Variants in GOLIM4 observed in about 807,000 individuals in gnomAD.
GOLIM4 encodes golgi integral membrane protein 4.
In GOLIM4, 71 loss-of-function variants were observed where a neutral mutation model predicts 107.4. The ratio of observed to expected loss-of-function variants is 0.66; its 90% CI spans 0.55 to 0.81. GOLIM4 has a LOEUF of 0.81. Among genes scored for constraint, GOLIM4 ranks in the 30% least tolerant of loss-of-function variants. The pLI is 0.00. For missense variants in GOLIM4, 830 were observed against 826.1 expected, an observed-to-expected ratio of 1.00 and a Z score of -0.06; for synonymous variants, 327 against 294.8, an observed-to-expected ratio of 1.11 and a Z score of -1.12.
intron 14 of GOLIM4, among the ~76,000 whole-genome samples, chr3:168,014,298 G>T (rs1394116282): frequency 6.7e-6 from 1 of 150,180 alleles, no homozygotes; most frequent in African/African-American, 2.5e-5. Context: ...AGAAGAAATG[G>T]ATAAATTCCT....
intron 14 of GOLIM4, among the ~76,000 whole-genome samples, chr3:168,014,685 T>A (rs1364970982): frequency 7.1e-6 from 1 of 140,262 alleles, no homozygotes; most frequent in Non-Finnish European, 1.5e-5. Flanking sequence ...AAAAAGCTTA[T>A]CCACCATGAT....
chr3:168,023,606 T>G (rs946159514), intron 14 of GOLIM4, among the ~76,000 whole-genome samples: 2 of 152,146 alleles, frequency 1.3e-5, no homozygotes, highest in African/African-American at 4.8e-5. Context: ...ATGTCCATCC[T>G]CCCATGGGGT....
intron 1 of GOLIM4, among the ~76,000 whole-genome samples, chr3:168,054,498 A>G (rs1396720926): frequency 6.6e-6 from 1 of 152,212 alleles, no homozygotes; most frequent in Non-Finnish European, 1.5e-5. Flanking sequence ...GTTCACACCC[A>G]GAACATCCTG....
chr3:168,030,687 T>C (rs1300536411), intron 9 of GOLIM4, among the ~76,000 whole-genome samples: 2 of 152,176 alleles, frequency 1.3e-5, no homozygotes, highest in East Asian at 3.8e-4. Context: ...CCAGTTATAA[T>C]GGCTTTTATC....
Position 168,095,022 on chromosome 3 carries a change from C to T in GOLIM4, c.187+77G>A, listed in dbSNP as rs149382718. ...TGGCAACCACAGTGCCAATAGCTCA[C>T]CAAAGCCACTTTTCCTGCCCGGGTG... On this transcript the variant is annotated intron_variant, in intron 1 of 15. Transcript: ENST00000470487. 2.4e-3 allele frequency: 2,902 copies of T among 1,199,852 alleles called. 50 individuals are homozygous for T. In the African/African-American group the frequency reaches 0.038, roughly 16 times the overall value. The allele number at this position is 1,199,852 out of a possible 1,614,324, so 74.3% of individuals were successfully genotyped here.
chr3:168,069,939 C>G (rs1390419830), intron 1 of GOLIM4, among the ~76,000 whole-genome samples: 1 of 152,136 alleles, frequency 6.6e-6, no homozygotes, highest in African/African-American at 2.4e-5. Context: ...AAAGATGGTG[C>G]TACTAATTCA....
In GOLIM4 at chr3:168,063,812, A is replaced by G. The variant is rs532119166; in HGVS notation, c.188-15447T>C. 1.4e-3 allele frequency among the ~76,000 whole-genome samples: 211 copies of G among 152,056 alleles called. 1 individual carries two copies. Among genetic ancestry groups the G allele is most frequent in the African/African-American group, 5.0e-3 (209 of 41,450 alleles). On this transcript the variant is annotated intron_variant, in intron 1 of 15. Coordinates refer to ENST00000470487, the MANE Select transcript of GOLIM4 (RefSeq NM_014498.5). Reference sequence around the variant, plus strand: ...GATGAGTTGATCTGTGCAGCAAACCACCATGGCACACGTTTACCCATGTAA... The same window carrying G: ...GATGAGTTGATCTGTGCAGCAAACCGCCATGGCACACGTTTACCCATGTAA...
intron 1 of GOLIM4, among the ~76,000 whole-genome samples, chr3:168,055,660 G>C (rs1449186657): frequency 6.6e-6 from 1 of 152,016 alleles, no homozygotes; most frequent in Non-Finnish European, 1.5e-5. Context: ...ACATTAGCTG[G>C]GCGTGATGGC....
chr3:168,029,364 A>C, intron 10 of GOLIM4, 62 bp from the exon 11 acceptor site: 2 of 1,018,368 alleles, frequency 2.0e-6, no homozygotes, highest in Non-Finnish European at 3.0e-6. Context: ...AGTTTGACAT[A>C]GGTCATTTAT....
At chr3:168,042,374 G>A (rs533182762) in intron 5 of GOLIM4, among the ~76,000 whole-genome samples, 3 of 152,212 alleles carry the variant, frequency 2.0e-5, no homozygotes, top group East Asian at 1.9e-4. Flanking sequence ...TCCGTCTCCC[G>A]GGTTCAAGCG....
At chr3:168,011,068 G>A (rs112894783) in intron 14 of GOLIM4, among the ~76,000 whole-genome samples, 63 of 152,260 alleles carry the variant, frequency 4.1e-4, no homozygotes, top group African/African-American at 9.4e-4. Context: ...GAACAGCTCC[G>A]GTCTACAGCT....
chr3:168,027,743 T>C lies in GOLIM4; in HGVS notation c.1608A>G (p.Pro536=). Residue 536 remains proline (P), a synonymous_variant, in exon 12 of 16, where the codon CCA becomes CCG. Coordinates refer to ENST00000470487, the MANE Select transcript of GOLIM4 (RefSeq NM_014498.5). ...PREQGPREAD[P]ESEADRAAVE... ...GGATACTTACATCTGCCTCAGATTC[T>C]GGGTCGGCTTCTCGGGGTCCTTGTT... 1 of 1,602,844 alleles carries C rather than the reference T, an allele frequency of 6.2e-7. No individual in the cohort carries two copies. The highest frequency in any genetic ancestry group is 8.5e-7 in the Non-Finnish European group (1 of 1,169,744).
At chr3:168,091,027 G>GT (rs2108298172) in intron 1 of GOLIM4, among the ~76,000 whole-genome samples, 1 of 108,578 alleles carries the variant, frequency 9.2e-6, no homozygotes, top group African/African-American at 5.7e-5. Flanking sequence ...GAGGCTAGCA[G>GT]GGGGTGAGAG....
At chr3:168,044,140 C>T (rs1719171579) in intron 4 of GOLIM4, among the ~76,000 whole-genome samples, 1 of 152,188 alleles carries the variant, frequency 6.6e-6, no homozygotes, top group Admixed American at 6.5e-5. Context: ...TCATTTACTG[C>T]TCTCTTGATA....
At chr3:168,055,536 C>A (rs187935477) in intron 1 of GOLIM4, among the ~76,000 whole-genome samples, 2 of 151,996 alleles carry the variant, frequency 1.3e-5, no homozygotes, top group South Asian at 4.1e-4. Context: ...CGGTGGCTCA[C>A]GCCTGTAATC....
chr3:168,076,109 A>AT (rs745704982), intron 1 of GOLIM4, among the ~76,000 whole-genome samples: 135 of 152,360 alleles, frequency 8.9e-4, no homozygotes, highest in Middle Eastern at 6.8e-3. Flanking sequence ...ATCTGCCTTT[A>AT]TAAATTTTCC....
At chr3:168,054,622 TATTA>T (rs1278837925) in intron 1 of GOLIM4, among the ~76,000 whole-genome samples, 4 of 150,772 alleles carry the variant, frequency 2.7e-5, no homozygotes, top group African/African-American at 7.4e-5. Flanking sequence ...AAACATAATT[TATTA>T]ATTATAAAAT....
At chr3:168,021,463 C>G (rs1717678610) in intron 14 of GOLIM4, among the ~76,000 whole-genome samples, 1 of 152,020 alleles carries the variant, frequency 6.6e-6, no homozygotes, top group Non-Finnish European at 1.5e-5. Flanking sequence ...GTCAGGAGTT[C>G]AAGACTAGCC....
At chr3:168,040,438 T>A (rs1291705972) in intron 7 of GOLIM4, among the ~76,000 whole-genome samples, 1 of 152,148 alleles carries the variant, frequency 6.6e-6, no homozygotes, top group Non-Finnish European at 1.5e-5. Flanking sequence ...GCTAGCAGCA[T>A]AAAATCCTAC....
Sources: allele counts gnomAD v4.1 joint callset (sites outside exome capture counted in the v4.1 genomes callset), GRCh38; gene constraint gnomAD v4.1.1; transcripts MANE v1.5; gene names NCBI Gene and HGNC (gene_info 2026-07-23, HGNC 2026-07-21).